F13A1: variants seen among roughly 807,000 people sequenced by gnomAD.
The protein encoded by F13A1 is coagulation factor XIII A chain.
A neutral mutation model predicts 80.1 loss-of-function variants in F13A1; 47 were observed. The observed-to-expected ratio is 0.59, with a 90% CI of 0.46 to 0.75. The LOEUF is 0.75. Among genes scored for constraint, F13A1 ranks in the 30% least tolerant of loss-of-function variants. F13A1 has a pLI of 0.00. For missense variants in F13A1, 817 were observed against 930.4 expected, an observed-to-expected ratio of 0.88 and a Z score of 1.59; for synonymous variants, 349 against 344.9, an observed-to-expected ratio of 1.01 and a Z score of -0.13.
At chr6:6,199,260 C>T (rs1032907206) in intron 8 of F13A1, among the ~76,000 whole-genome samples, 6 of 152,044 alleles carry the variant, frequency 3.9e-5, no homozygotes, top group Admixed American at 2.0e-4. Context: ...GAGGCCGAGG[C>T]GGGCAGATCA....
intron 3 of F13A1, among the ~76,000 whole-genome samples, chr6:6,300,277 G>A (rs939693065): frequency 6.7e-6 from 1 of 149,786 alleles, no homozygotes; most frequent in Non-Finnish European, 1.5e-5. Flanking sequence ...CACCCAGTTC[G>A]AGCTTCCAGG....
chr6:6,158,494 A>G (rs1309249786), intron 13 of F13A1, among the ~76,000 whole-genome samples: 1 of 152,160 alleles, frequency 6.6e-6, no homozygotes, highest in Non-Finnish European at 1.5e-5. Context: ...CTCCTCACCT[A>G]TAGGGTCTTC....
chr6:6,249,437 G>A (rs1757600134), intron 5 of F13A1, among the ~76,000 whole-genome samples: 1 of 152,212 alleles, frequency 6.6e-6, no homozygotes, highest in Non-Finnish European at 1.5e-5. Flanking sequence ...AATAGTCATA[G>A]AACGGATTGA....
At chr6:6,306,143 T>A (rs1758509468) in intron 2 of F13A1, among the ~76,000 whole-genome samples, 1 of 152,214 alleles carries the variant, frequency 6.6e-6, no homozygotes, top group South Asian at 2.1e-4. Context: ...GGAGCAGGTC[T>A]GGAGAAAGGA....
chr6:6,248,748 T>G (rs763616604), intron 5 of F13A1, among the ~76,000 whole-genome samples: 6 of 152,230 alleles, frequency 3.9e-5, no homozygotes, highest in Admixed American at 3.9e-4. Context: ...TATTGGCTCC[T>G]GTACCCAAGA....
intron 2 of F13A1, among the ~76,000 whole-genome samples, chr6:6,306,433 A>G (rs762084086): frequency 2.0e-5 from 3 of 152,214 alleles, no homozygotes; most frequent in African/African-American, 7.2e-5. Flanking sequence ...CACTTCTTAC[A>G]GGAATGTGAC....
intron 11 of F13A1, among the ~76,000 whole-genome samples, chr6:6,178,057 T>A (rs776914324): frequency 2.4e-5 from 1 of 41,122 alleles, no homozygotes; most frequent in Non-Finnish European, 5.2e-5. Context: ...GGGGGGGGGG[T>A]GGGGCTTTTA....
intron 10 of F13A1, among the ~76,000 whole-genome samples, chr6:6,190,178 C>T (rs1291569321): frequency 1.3e-5 from 2 of 152,058 alleles, no homozygotes; most frequent in South Asian, 2.1e-4. Flanking sequence ...AATGTCCTCC[C>T]GTAGCTCAGA....
At chr6:6,257,964 T>C (rs1482107776) in intron 4 of F13A1, among the ~76,000 whole-genome samples, 1 of 152,214 alleles carries the variant, frequency 6.6e-6, no homozygotes, top group African/African-American at 2.4e-5. Flanking sequence ...TAATTTTTTT[T>C]CCCAGAGAAA....
intron 3 of F13A1, among the ~76,000 whole-genome samples, chr6:6,290,657 G>A (rs1439880943): frequency 6.6e-6 from 1 of 152,122 alleles, no homozygotes; most frequent in Non-Finnish European, 1.5e-5. Context: ...CACATGACAG[G>A]TGTTCATAGA....
At chr6:6,304,126 C>G (rs1758476052) in intron 3 of F13A1, among the ~76,000 whole-genome samples, 1 of 152,128 alleles carries the variant, frequency 6.6e-6, no homozygotes, top group African/African-American at 2.4e-5. Flanking sequence ...GCATTTCTTT[C>G]TAATTTCTGA....
At chr6:6,179,150 T>C (rs1320555827) in intron 11 of F13A1, among the ~76,000 whole-genome samples, 1 of 151,596 alleles carries the variant, frequency 6.6e-6, no homozygotes, top group Non-Finnish European at 1.5e-5. Flanking sequence ...GAGGGAGAGG[T>C]GGAAATAACA....
At position 6,318,606 on chromosome 6, in the gene F13A1, G is replaced by A; in HGVS notation, c.59C>T (p.Ser20Phe). ...GGRRAVPPNN[S>F]NAAEDDLPTV... is the part of the protein sequence containing the mutation. ...GGGCAGGTCATCTTCCGCTGCATTAGAGTTATTGGGTGGAACTGCTCTTCT... is the reference window on the plus strand; with the variant it reads ...GGGCAGGTCATCTTCCGCTGCATTAAAGTTATTGGGTGGAACTGCTCTTCT... Residue 20 changes from serine to phenylalanine, a missense_variant, in exon 2 of 15, where the codon TCT (serine) becomes TTT (phenylalanine). By Grantham distance (155) the Ser-to-Phe change is radical. Transcript: ENST00000264870. The A allele has an allele frequency of 6.2e-7, 1 of 1,613,244 alleles. No homozygotes were observed. Among genetic ancestry groups the A allele is most frequent in the Non-Finnish European group, 8.5e-7 (1 of 1,179,884 alleles).
intron 7 of F13A1, among the ~76,000 whole-genome samples, chr6:6,223,107 T>C (rs1304701409): frequency 6.6e-6 from 1 of 152,232 alleles, no homozygotes; most frequent in Non-Finnish European, 1.5e-5. Context: ...GTCAAGACTC[T>C]GCCTTACTCA....
chr6:6,270,045 C>T (rs1326602919), intron 3 of F13A1, among the ~76,000 whole-genome samples: 11 of 152,158 alleles, frequency 7.2e-5, no homozygotes, highest in African/African-American at 2.4e-4. Flanking sequence ...AATTGGAACA[C>T]AGTTATGTTG....
chr6:6,235,917 A>G (rs996851690), intron 6 of F13A1, among the ~76,000 whole-genome samples: 2 of 152,142 alleles, frequency 1.3e-5, no homozygotes, highest in Admixed American at 6.5e-5. Context: ...AAGTAAATAC[A>G]TGGGCAAATA....
chr6:6,249,479 G>A (rs1009711329), intron 5 of F13A1, among the ~76,000 whole-genome samples: 12 of 152,190 alleles, frequency 7.9e-5, no homozygotes, highest in African/African-American at 2.9e-4. Flanking sequence ...TGCTTGGCTG[G>A]TTATTCTGGC....
intron 3 of F13A1, among the ~76,000 whole-genome samples, chr6:6,304,750 C>G (rs1405285226): frequency 6.6e-6 from 1 of 151,456 alleles, no homozygotes; most frequent in Non-Finnish European, 1.5e-5. Flanking sequence ...GTGGTCCCAG[C>G]TACTCTGGAG....
At position 6,152,175 on chromosome 6, in the gene F13A1, C is replaced by A. The variant is rs3024457; in HGVS notation, c.1909-226G>T. On this transcript the variant is annotated intron_variant, in intron 13 of 14. Transcript: ENST00000264870. ...ACTCTTTTCCTCATTATAAAACCAG[C>A]CTAATTAGAGCTCAGGTCAATAGCG... Among the ~76,000 whole-genome samples the A allele has an allele frequency of 0.13, 19,807 of 152,148 alleles. 1,448 individuals are homozygous for A. Among genetic ancestry groups the A allele is most frequent in the Middle Eastern group, 0.17 (50 of 294 alleles).
Sources: gnomAD v4.1 joint callset for allele counts (sites outside exome capture counted in the v4.1 genomes callset) on GRCh38, gnomAD v4.1.1 for gene constraint, MANE v1.5 for transcripts, NCBI Gene and HGNC (gene_info 2026-07-23, HGNC 2026-07-21) for gene names.